The following NPAS3 variants were observed in gnomAD, a reference collection of about 807,000 sequenced individuals.
The protein encoded by NPAS3 is neuronal PAS domain-containing protein 3.
In NPAS3, 14 loss-of-function variants were observed where a neutral mutation model predicts 73.1. The observed-to-expected ratio is 0.19, with a 90% confidence interval of 0.13 to 0.30. The LOEUF is 0.30. Ranked by LOEUF, NPAS3 falls within the 10% of genes least tolerant of loss-of-function variation. NPAS3 has a pLI of 1.00. For synonymous variants in NPAS3, 620 were observed against 541.5 expected (o/e 1.14, Z -2.01); for missense variants, 1,096 against 1,250.0 (o/e 0.88, Z 1.86).
At chr14:33,183,773 G>C (rs949974345) in intron 2 of NPAS3, among the ~76,000 whole-genome samples, 1 of 152,006 alleles carries the variant, frequency 6.6e-6, no homozygotes, top group Non-Finnish European at 1.5e-5. Context: ...CAAATCTGTT[G>C]GACGACTTTT....
At chr14:33,424,099 C>T (rs2048459637) in intron 4 of NPAS3, among the ~76,000 whole-genome samples, 1 of 151,732 alleles carries the variant, frequency 6.6e-6, no homozygotes, top group Non-Finnish European at 1.5e-5. Context: ...CAAGGAGAGG[C>T]AAATGGTGCC....
intron 5 of NPAS3, among the ~76,000 whole-genome samples, chr14:33,565,303 G>T (rs779555282): frequency 2.0e-5 from 3 of 152,168 alleles, no homozygotes; most frequent in Non-Finnish European, 4.4e-5. Context: ...TACAGCTACA[G>T]CACACAAGTA....
intron 3 of NPAS3, among the ~76,000 whole-genome samples, chr14:33,310,057 A>G (rs1178759853): frequency 6.6e-6 from 1 of 152,192 alleles, no homozygotes; most frequent in African/African-American, 2.4e-5. Context: ...TGTAGCCATA[A>G]AATGTATAGA....
intron 7 of NPAS3, among the ~76,000 whole-genome samples, chr14:33,749,329 A>C (rs2061892494): frequency 1.3e-5 from 2 of 152,116 alleles, no homozygotes; most frequent in South Asian, 4.1e-4. Flanking sequence ...CAGTTGGCTT[A>C]TTGGTGAATA....
intron 4 of NPAS3, among the ~76,000 whole-genome samples, chr14:33,478,284 G>T (rs2051143528): frequency 2.0e-5 from 3 of 152,066 alleles, no homozygotes; most frequent in Admixed American, 1.3e-4. Flanking sequence ...AGGGAATAAT[G>T]GGAATTTTTG....
chr14:32,936,810 G>A (rs989921913), upstream of NPAS3, among the ~76,000 whole-genome samples: 1 of 152,144 alleles, frequency 6.6e-6, no homozygotes, highest in Non-Finnish European at 1.5e-5. Flanking sequence ...AGCACCAGGG[G>A]CAGTCCCCTA....
chr14:33,194,251 A>G (rs1200106479), intron 2 of NPAS3, among the ~76,000 whole-genome samples: 1 of 152,210 alleles, frequency 6.6e-6, no homozygotes, highest in Non-Finnish European at 1.5e-5. Context: ...TCACATTTCA[A>G]CTGTCTTGTA....
At chr14:33,648,648 A>G (rs1202858446) in intron 5 of NPAS3, among the ~76,000 whole-genome samples, 1 of 152,188 alleles carries the variant, frequency 6.6e-6, no homozygotes, top group African/African-American at 2.4e-5. Context: ...CTGGACTGGC[A>G]TAGAGTTGAA....
chr14:33,408,624 T>A (rs1290266509), intron 4 of NPAS3, among the ~76,000 whole-genome samples: 1 of 152,200 alleles, frequency 6.6e-6, no homozygotes, highest in Non-Finnish European at 1.5e-5. Flanking sequence ...CCTTTGATTA[T>A]AAATGTAACT....
At position 33,124,079 on chromosome 14, in the gene NPAS3, C is replaced by T. The variant is rs957254956; in HGVS notation, c.140+68085C>T. 3.3e-5 allele frequency among the ~76,000 whole-genome samples: 5 copies of T among 151,952 alleles called. No individual in the cohort carries two copies. In the South Asian group the frequency reaches 8.3e-4, roughly 25 times the overall value. ...ATGTTGCCCTGGCTGGTCTTGAATT[C>T]CTGGGCTCAAGAGATCCATCTGCCT... On this transcript the variant is annotated intron_variant, in intron 2 of 11. Coordinates refer to ENST00000356141, the Ensembl canonical transcript of NPAS3.
chr14:33,122,578 GT>G (rs2043270583), intron 2 of NPAS3, among the ~76,000 whole-genome samples: 2 of 152,126 alleles, frequency 1.3e-5, no homozygotes, highest in South Asian at 4.1e-4. Flanking sequence ...TTGAGCAAGT[GT>G]TTTAAGGAAC....
intron 2 of NPAS3, among the ~76,000 whole-genome samples, chr14:33,098,452 C>CT (rs2042486933): frequency 6.6e-6 from 1 of 152,102 alleles, no homozygotes; most frequent in Non-Finnish European, 1.5e-5. Flanking sequence ...TATTGCTAGA[C>CT]TAGTACTGTC....
intron 3 of NPAS3, among the ~76,000 whole-genome samples, chr14:33,318,744 A>C (rs2043311844): frequency 6.6e-6 from 1 of 152,136 alleles, no homozygotes; most frequent in African/African-American, 2.4e-5. Context: ...AAAAATAATT[A>C]CATCCTTAAT....
At chr14:33,194,917 G>A (rs2046296767) in intron 2 of NPAS3, among the ~76,000 whole-genome samples, 1 of 152,152 alleles carries the variant, frequency 6.6e-6, no homozygotes. Context: ...TTTAGGATCA[G>A]CCTATAGCAT....
chr14:33,401,330 C>T (rs1461794604), intron 4 of NPAS3, among the ~76,000 whole-genome samples: 2 of 152,148 alleles, frequency 1.3e-5, no homozygotes, highest in African/African-American at 4.8e-5. Flanking sequence ...AATCACAGAT[C>T]TCAGTAACTC....
intron 3 of NPAS3, among the ~76,000 whole-genome samples, chr14:33,328,392 G>GT (rs57600021): frequency 1.1e-4 from 14 of 127,078 alleles, no homozygotes; most frequent in Middle Eastern, 8.3e-3. Context: ...TGTTTTTCCT[G>GT]TTTTTTCTCT....
At chr14:33,146,817 A>T (rs1242277158) in intron 2 of NPAS3, among the ~76,000 whole-genome samples, 3 of 152,228 alleles carry the variant, frequency 2.0e-5, no homozygotes, top group Non-Finnish European at 2.9e-5. Flanking sequence ...CAGGAGGAGT[A>T]GAGAAGAGGG....
At chr14:33,785,434 CAA>C (rs1223437695) in intron 9 of NPAS3, among the ~76,000 whole-genome samples, 2,686 of 75,282 alleles carry the variant, frequency 0.036, 59 homozygotes, top group African/African-American at 0.11. Context: ...GACTCCATCT[CAA>C]AAAAAAAAAA....
At chr14:33,692,198 C>G (rs1595450191) in intron 6 of NPAS3, among the ~76,000 whole-genome samples, 1 of 152,132 alleles carries the variant, frequency 6.6e-6, no homozygotes. Flanking sequence ...TATTATACAA[C>G]TGTTCAGATC....
Sources: allele counts gnomAD v4.1 joint callset (sites outside exome capture counted in the v4.1 genomes callset), GRCh38; gene constraint gnomAD v4.1.1; transcripts MANE v1.5; gene names NCBI Gene and HGNC (gene_info 2026-07-23, HGNC 2026-07-21).